DHX57: variants seen among roughly 807,000 people sequenced by gnomAD.
DHX57 encodes the protein DExH-box helicase 57.
In DHX57, 105 loss-of-function variants were observed where a neutral mutation model predicts 156.2. The ratio of observed to expected loss-of-function variants is 0.67; its 90% CI spans 0.57 to 0.79. DHX57 has a LOEUF of 0.79. Among genes scored for constraint, DHX57 ranks in the 30% least tolerant of loss-of-function variants. The pLI is 0.00. For missense variants in DHX57, 1,847 were observed against 1,661.9 expected, an observed-to-expected ratio of 1.11 and a Z score of -1.94; for synonymous variants, 704 against 595.6, an observed-to-expected ratio of 1.18 and a Z score of -2.65.
At chr2:38,852,373 A>G (rs1418430289) in intron 9 of DHX57, among the ~76,000 whole-genome samples, 1 of 116,644 alleles carries the variant, frequency 8.6e-6, no homozygotes, top group African/African-American at 3.3e-5. Flanking sequence ...GCTTTTAGCT[A>G]TTTTCTGCTT....
At chr2:38,862,463 T>C (rs560291542) in intron 3 of DHX57, 130 bp from the exon 4 acceptor site, 1 of 874,764 alleles carries the variant, frequency 1.1e-6, no homozygotes, top group East Asian at 2.9e-5. Context: ...AATCTTATAT[T>C]GAACTATTAA....
chr2:38,816,925 A>C (rs1348162488), intron 19 of DHX57, among the ~76,000 whole-genome samples: 2 of 152,202 alleles, frequency 1.3e-5, no homozygotes, highest in African/African-American at 2.4e-5. Flanking sequence ...ATTTAGTAGG[A>C]AATGTAATTT....
At chr2:38,850,313 C>T (rs1572688673) in intron 9 of DHX57, among the ~76,000 whole-genome samples, 1 of 151,938 alleles carries the variant, frequency 6.6e-6, no homozygotes, top group Admixed American at 6.6e-5. Flanking sequence ...GACAAGGTTT[C>T]GCTCTGTCAC....
rs537101624 is a variant in DHX57 at position 38,855,815 on chromosome 2, G to C, written c.1709+525C>G. Among the ~76,000 whole-genome samples, 408 of 152,222 alleles carry C rather than the reference G, an allele frequency of 2.7e-3. 4 individuals carry two copies. Among genetic ancestry groups the C allele is most frequent in the Non-Finnish European group, 3.3e-3 (223 of 67,996 alleles). On this transcript the variant is annotated intron_variant, in intron 7 of 23. Coordinates refer to ENST00000457308, the MANE Select transcript of DHX57 (RefSeq NM_198963.3). ...AAGTTGTTTTTAAAAGAAAAATAAA[G>C]GCTGGGTGTGGTGACTCACACCTGT...
At chr2:38,858,222 C>T (rs567430357) in intron 6 of DHX57, among the ~76,000 whole-genome samples, 18 of 152,216 alleles carry the variant, frequency 1.2e-4, no homozygotes, top group African/African-American at 2.2e-4. Context: ...CCACCACGCC[C>T]GGCTAATTTT....
intron 14 of DHX57, 26 bp from the exon 15 acceptor site, chr2:38,826,715 G>A (rs1451192054): frequency 1.2e-6 from 2 of 1,611,238 alleles, no homozygotes; most frequent in Admixed American, 1.7e-5. Context: ...AGCACATGAA[G>A]TATTCTAGCA....
chr2:38,863,581 T>C (rs1332524297), intron 2 of DHX57, 62 bp from the exon 3 acceptor site: 1 of 1,525,148 alleles, frequency 6.6e-7, no homozygotes, highest in African/African-American at 1.4e-5. Flanking sequence ...TACACTCTCC[T>C]CAGGGGTCCC....
At chr2:38,806,852 G>A (rs2148533202) in intron 21 of DHX57, among the ~76,000 whole-genome samples, 159 bp from the exon 22 acceptor site, 1 of 146,110 alleles carries the variant, frequency 6.8e-6, no homozygotes, top group South Asian at 2.2e-4. Flanking sequence ...TCTGAAAGCA[G>A]AACAAGCACA....
chr2:38,858,561 C>G, intron 6 of DHX57, 100 bp downstream of exon 6: 3 of 1,435,450 alleles, frequency 2.1e-6, no homozygotes, highest in South Asian at 2.9e-5. Flanking sequence ...GAAAAAGAAC[C>G]AGAAGAATTT....
intron 11 of DHX57, among the ~76,000 whole-genome samples, chr2:38,844,629 C>CAAAA: frequency 1.1e-3 from 2 of 1,820 alleles, no homozygotes; most frequent in African/African-American, 1.1e-3. Flanking sequence ...GACTCCGTCT[C>CAAAA]AAAAAAAAAA....
At chr2:38,814,881 C>A (rs572958134) in intron 20 of DHX57, among the ~76,000 whole-genome samples, 9 of 152,010 alleles carry the variant, frequency 5.9e-5, no homozygotes, top group African/African-American at 1.7e-4. Context: ...TGCTACCATG[C>A]CTGGATAATT....
intron 20 of DHX57, among the ~76,000 whole-genome samples, 160 bp downstream of exon 20, chr2:38,815,361 G>A (rs1245132088): frequency 1.3e-5 from 2 of 152,218 alleles, no homozygotes; most frequent in Non-Finnish European, 2.9e-5. Context: ...CACCGTGCCA[G>A]ATCAGCTGAT....
chr2:38,873,351 G>A (rs1665443408), intron 1 of DHX57, among the ~76,000 whole-genome samples: 1 of 152,072 alleles, frequency 6.6e-6, no homozygotes, highest in South Asian at 2.1e-4. Flanking sequence ...CAACCAAAAT[G>A]GAATTAGAAA....
chr2:38,842,912 C>T lies in DHX57; in HGVS notation c.2425+93G>A, dbSNP rs909145234. 4 of 1,368,722 alleles carry T rather than the reference C, an allele frequency of 2.9e-6. No individual in the cohort carries two copies. In the Admixed American group the frequency reaches 8.0e-5, roughly 27 times the overall value. 84.8% of individuals were successfully genotyped at this position (1,368,722 alleles called of 1,614,324 possible). A position where few individuals can be genotyped will look rare whatever the true frequency, so the allele number is the denominator to read the frequency against. ...AATTAAAGGCAATGTAACTATGAAA[C>T]AAGAATCATATTTTTCTTCTTCCGA... is the stretch of plus-strand genomic sequence containing the variant. On this transcript the variant is annotated intron_variant, in intron 12 of 23. Coordinates refer to ENST00000457308, the MANE Select transcript of DHX57 (RefSeq NM_198963.3).
At chr2:38,846,129 G>A (rs1672273264) in intron 11 of DHX57, among the ~76,000 whole-genome samples, 1 of 152,112 alleles carries the variant, frequency 6.6e-6, no homozygotes, top group Non-Finnish European at 1.5e-5. Context: ...GCCTCCCAAA[G>A]TGCTGGGATT....
intron 12 of DHX57, among the ~76,000 whole-genome samples, chr2:38,841,421 C>T (rs1466463341): frequency 1.3e-5 from 2 of 152,192 alleles, no homozygotes; most frequent in African/African-American, 4.8e-5. Context: ...CAAGTCCATT[C>T]TCTTAGCTTT....
chr2:38,824,791 G>C (rs890300810), intron 16 of DHX57, among the ~76,000 whole-genome samples: 1 of 152,138 alleles, frequency 6.6e-6, no homozygotes, highest in African/African-American at 2.4e-5. Context: ...GGGATTACAG[G>C]CGTGCGCCAC....
Position 38,861,667 on chromosome 2 carries a change from C to T in DHX57, c.743G>A (p.Arg248Gln), listed in dbSNP as rs201534858. ...CTTGAGAGCAAATGCCTCTTCCTGT[C>T]GCTGTTCCATACACTCATCCAAGCT... is the stretch of plus-strand genomic sequence containing the variant. ...QISLDECMEQ[R>Q]QEEAFALKSI... is the part of the protein sequence containing the mutation. The change falls in exon 5 of 24, where the codon CGA (arginine) becomes CAA (glutamine). Residue 248 changes from arginine (R) to glutamine (Q), a missense_variant. By Grantham distance (43) the Arg-to-Gln change is conservative. Coordinates refer to ENST00000457308, the MANE Select transcript of DHX57 (RefSeq NM_198963.3). 31 of 1,614,134 alleles carry T rather than the reference C, an allele frequency of 1.9e-5. No individual in the cohort carries two copies. The Admixed American group carries it at 3.3e-4, about 17-fold the overall frequency.
At position 38,798,271 on chromosome 2, in the gene DHX57, A is replaced by C. The variant is rs1669484721; in HGVS notation, c.*28T>G. The C allele has an allele frequency of 6.3e-7, 1 of 1,595,226 alleles. No individual in the cohort carries two copies. The highest frequency in any genetic ancestry group is 1.3e-5 in the African/African-American group (1 of 74,114). On this transcript the variant is annotated 3_prime_UTR_variant, in exon 24 of 24. Coordinates refer to ENST00000457308, the MANE Select transcript of DHX57 (RefSeq NM_198963.3). ...TTCCCAGGTGAGCTAGAAGCAGGTGAGTAGCAAGCACTCTCTAAGACTGCT... is the reference window on the plus strand; with the variant it reads ...TTCCCAGGTGAGCTAGAAGCAGGTGCGTAGCAAGCACTCTCTAAGACTGCT...
Sources: gnomAD v4.1 joint callset for allele counts (sites outside exome capture counted in the v4.1 genomes callset) on GRCh38, gnomAD v4.1.1 for gene constraint, MANE v1.5 for transcripts, NCBI Gene and HGNC (gene_info 2026-07-23, HGNC 2026-07-21) for gene names.